The following GALR2 variants were observed in gnomAD, a reference collection of about 807,000 sequenced individuals.
GALR2 encodes the protein galanin receptor 2.
A neutral mutation model predicts 7.2 loss-of-function variants in GALR2; 5 were observed. That is an observed-to-expected ratio of 0.69 (90% confidence interval 0.36 to 1.45). The LOEUF is 1.45. GALR2 is among the 40% of genes most tolerant of loss of function. GALR2 has a pLI of 0.03. For missense variants in GALR2, 561 were observed against 555.7 expected, an observed-to-expected ratio of 1.01 and a Z score of -0.10; for synonymous variants, 300 against 263.9, an observed-to-expected ratio of 1.14 and a Z score of -1.32.
chr17:76,076,893 G>C lies in GALR2; in HGVS notation c.626G>C (p.Arg209Pro), dbSNP rs1341346000. The change falls in exon 2 of 2, where the codon CGC (arginine) becomes CCC (proline). Residue 209 changes from arginine to proline, a missense_variant. By Grantham distance (103) the Arg-to-Pro change is moderately radical. Transcript: ENST00000329003. This position sits in a 1 kb window ranked among gnomAD's most constrained non-coding sequence, Gnocchi z 6.5. ...CTGGTTCTCGGCCTGACCTACGCGC[G>C]CACCTTGCGCTACCTCTGGCGCGCC... ...PVLVLGLTYA[R>P]TLRYLWRAVD... 1 of 1,602,846 alleles carries C rather than the reference G, an allele frequency of 6.2e-7. No homozygotes were observed. The highest frequency in any genetic ancestry group is 1.7e-5 in the Admixed American group (1 of 59,918).
Position 76,077,234 on chromosome 17 carries a change from TG to T in GALR2, c.968del (p.Cys323SerfsTer23). The T allele has an allele frequency of 6.2e-7, 1 of 1,606,070 alleles. No individual in the cohort carries two copies. The highest frequency in any genetic ancestry group is 8.5e-7 in the Non-Finnish European group (1 of 1,177,248). ...RAPGRASGRVCAAARGTHSGS... is the reference protein window; with the variant it reads ...RAPGRASGRVXAAARGTHSGS... ...CCCAGGCCGAGCCTCGGGCCGTGTG[TG>T]CGCTGCCGCGCGGGGCACCCACAGT... On this transcript the variant is annotated frameshift_variant, in exon 2 of 2. Transcript: ENST00000329003. LOFTEE classifies it low-confidence loss of function (END_TRUNC).
upstream of GALR2, chr17:76,072,693 G>A (rs1158099314): frequency 1.9e-6 from 2 of 1,069,534 alleles, no homozygotes; most frequent in Non-Finnish European, 2.6e-6. This position sits in a 1 kb window ranked among gnomAD's most constrained non-coding sequence, Gnocchi z 4.5. Context: ...GGCTGGCTAG[G>A]TGGGGACTTG....
In GALR2 at chr17:76,075,237, C is replaced by T. The variant is rs769155155; in HGVS notation, c.354C>T (p.Ala118=). The T allele has an allele frequency of 1.1e-5, 18 of 1,603,180 alleles. No homozygotes were observed. Among genetic ancestry groups the T allele is most frequent in the Middle Eastern group, 1.8e-4 (1 of 5,538 alleles). Residue 118 remains alanine, a synonymous_variant, in exon 1 of 2, where the codon GCC becomes GCT. Coordinates refer to ENST00000329003, the MANE Select transcript of GALR2 (RefSeq NM_003857.4). This position sits in a 1 kb window ranked among gnomAD's most constrained non-coding sequence, Gnocchi z 5.9. ...ACGCCAGCAGCTTCACGCTGGCCGC[C>T]GTCTCCCTGGACAGGTGAGCCAGCG... ...TMHASSFTLA[A]VSLDRYLAIR...
chr17:76,073,884 G>T (rs529259170), upstream of GALR2, among the ~76,000 whole-genome samples: 1 of 151,864 alleles, frequency 6.6e-6, no homozygotes, highest in Admixed American at 6.6e-5. Flanking sequence ...GGTGGCTTAC[G>T]CCTGTAATCC....
At chr17:76,073,732 G>A (rs1478284796), upstream of GALR2, among the ~76,000 whole-genome samples, 2 of 151,658 alleles carry the variant, frequency 1.3e-5, no homozygotes, top group African/African-American at 4.8e-5. Flanking sequence ...AGAAGGAAGT[G>A]TTACCATTTC....
At position 76,077,516 on chromosome 17, in the gene GALR2, C is replaced by A. The variant is rs1001156691; in HGVS notation, c.*85C>A. ...GGGAGAGCTTTGCCTGTTAATAAAA[C>A]GCACAAACCATTTCACACACAGTGA... On this transcript the variant is annotated 3_prime_UTR_variant, in exon 2 of 2. Transcript: ENST00000329003. The A allele has an allele frequency of 2.5e-6, 3 of 1,180,150 alleles. No individual in the cohort carries two copies. Among genetic ancestry groups the A allele is most frequent in the African/African-American group, 1.6e-5 (1 of 64,484 alleles). The allele number at this position is 1,180,150 out of a possible 1,614,324, so 73.1% of individuals were successfully genotyped here. A position where few individuals can be genotyped will look rare whatever the true frequency, so the allele number is the denominator to read the frequency against.
At chr17:76,074,445 G>T (rs1195057825), upstream of GALR2, among the ~76,000 whole-genome samples, 1 of 152,224 alleles carries the variant, frequency 6.6e-6, no homozygotes, top group Non-Finnish European at 1.5e-5. This position sits in a 1 kb window ranked among gnomAD's most constrained non-coding sequence, Gnocchi z 6.7. Flanking sequence ...GCGCCGAGGC[G>T]CGCGGAGTGC....
Position 76,076,729 on chromosome 17 carries a change from G to A in GALR2, c.462G>A (p.Leu154=). The A allele has an allele frequency of 6.2e-7, 1 of 1,604,904 alleles. No homozygotes were observed. Among genetic ancestry groups the A allele is most frequent in the Non-Finnish European group, 8.5e-7 (1 of 1,179,750 alleles). Reference sequence around the variant, plus strand: ...TCGGGCTCATCTGGGGGCTGTCGCTGCTCTTCTCCGGGCCCTACCTGAGCT... The same window carrying A: ...TCGGGCTCATCTGGGGGCTGTCGCTACTCTTCTCCGGGCCCTACCTGAGCT... ...AAIGLIWGLS[L]LFSGPYLSYY... is the part of the protein sequence containing the mutation. The change falls in exon 2 of 2, where the codon CTG becomes CTA. Residue 154 remains leucine (L), a synonymous_variant. Coordinates refer to ENST00000329003, the MANE Select transcript of GALR2 (RefSeq NM_003857.4). This position sits in a 1 kb window ranked among gnomAD's most constrained non-coding sequence, Gnocchi z 6.5.
chr17:76,072,134 T>C (rs2066857465), upstream of GALR2: 32 of 1,244,604 alleles, frequency 2.6e-5, no homozygotes, highest in Non-Finnish European at 3.2e-5. The surrounding 1 kb of genome is among the most constrained non-coding windows in gnomAD (Gnocchi z 4.5). Flanking sequence ...GAGGAAAGAC[T>C]AGTCGAGAGA....
At chr17:76,072,493 T>C (rs775112377), upstream of GALR2, 41 of 1,583,212 alleles carry the variant, frequency 2.6e-5, no homozygotes, top group African/African-American at 4.1e-5. The surrounding 1 kb of genome is among the most constrained non-coding windows in gnomAD (Gnocchi z 4.5). Context: ...AGCAGCCATC[T>C]TGCCCCTGCG....
rs1265928688 is a variant in GALR2, at chr17:76,074,878, G to T, written c.-6G>T. On this transcript the variant is annotated 5_prime_UTR_variant, in exon 1 of 2. Coordinates refer to ENST00000329003, the MANE Select transcript of GALR2 (RefSeq NM_003857.4). The surrounding 1 kb of genome is among the most constrained non-coding windows in gnomAD (Gnocchi z 6.7). The stretch of plus-strand genomic sequence containing the variant: ...GAGCCCGGGCAGCCTCGGGGTCAGC[G>T]GCACCATGAACGTCTCGGGCTGCCC... The T allele has an allele frequency of 6.6e-7, 1 of 1,505,574 alleles. No individual in the cohort carries two copies. The highest frequency in any genetic ancestry group is 2.1e-5 in the Admixed American group (1 of 48,744). 93.3% of individuals were successfully genotyped at this position (1,505,574 alleles called of 1,614,324 possible). A position where few individuals can be genotyped will look rare whatever the true frequency, so the allele number is the denominator to read the frequency against.
rs2066890491 is a variant in GALR2 at position 76,076,716 on chromosome 17, G to A, written c.449G>A (p.Trp150Ter). The change falls in exon 2 of 2, where the codon TGG (tryptophan) becomes TAG (stop). Residue 150 changes from tryptophan to a stop codon, truncating the protein, a stop_gained. Transcript: ENST00000329003. LOFTEE classifies it low-confidence loss of function (END_TRUNC). The surrounding 1 kb of genome is among the most constrained non-coding windows in gnomAD (Gnocchi z 6.5). ...RNALAAIGLI[W>*]GLSLLFSGPY... Reference sequence around the variant, plus strand: ...GCGCTGGCAGCCATCGGGCTCATCTGGGGGCTGTCGCTGCTCTTCTCCGGG... The same window carrying A: ...GCGCTGGCAGCCATCGGGCTCATCTAGGGGCTGTCGCTGCTCTTCTCCGGG... 6.2e-7 allele frequency: 1 copy of A among 1,604,194 alleles called. No homozygotes were observed. Among genetic ancestry groups the A allele is most frequent in the Non-Finnish European group, 8.5e-7 (1 of 1,179,570 alleles).
At position 76,075,326 on chromosome 17, in the gene GALR2, C is replaced by T; in HGVS notation, c.368+75C>T. Reference sequence around the variant, plus strand: ...TGGAGCGGGAGGCGGGACTGGGGACCAAGAAGGGACGCGCAGAGTGGGACA... The same window carrying T: ...TGGAGCGGGAGGCGGGACTGGGGACTAAGAAGGGACGCGCAGAGTGGGACA... On this transcript the variant is annotated intron_variant, in intron 1 of 1. Coordinates refer to ENST00000329003, the MANE Select transcript of GALR2 (RefSeq NM_003857.4). This position sits in a 1 kb window ranked among gnomAD's most constrained non-coding sequence, Gnocchi z 5.9. 2 of 1,466,896 alleles carry T rather than the reference C, an allele frequency of 1.4e-6. No homozygotes were observed. The highest frequency in any genetic ancestry group is 1.8e-6 in the Non-Finnish European group (2 of 1,082,130). The allele number at this position is 1,466,896 out of a possible 1,614,324, so 90.9% of individuals were successfully genotyped here.
In GALR2 at chr17:76,076,744, C is replaced by A. The variant is rs1456867184; in HGVS notation, c.477C>A (p.Pro159=). 6.2e-7 allele frequency: 1 copy of A among 1,605,456 alleles called. No individual in the cohort carries two copies. The highest frequency in any genetic ancestry group is 8.5e-7 in the Non-Finnish European group (1 of 1,179,814). ...IWGLSLLFSG[P]YLSYYRQSQL... is the part of the protein sequence containing the mutation. ...GGCTGTCGCTGCTCTTCTCCGGGCC[C>A]TACCTGAGCTACTACCGCCAGTCGC... The change falls in exon 2 of 2, where the codon CCC becomes CCA. Residue 159 remains proline, a synonymous_variant. Coordinates refer to ENST00000329003, the MANE Select transcript of GALR2 (RefSeq NM_003857.4). This position sits in a 1 kb window ranked among gnomAD's most constrained non-coding sequence, Gnocchi z 6.5.
rs1300442694 is a variant in GALR2, at chr17:76,077,185, C to T, written c.918C>T (p.Ile306=). ...SKHFRKGFRT[I]CAGLLGRAPG... Reference sequence around the variant, plus strand: ...ACTTCCGCAAAGGCTTCCGCACGATCTGCGCGGGCCTGCTGGGCCGTGCCC... The same window carrying T: ...ACTTCCGCAAAGGCTTCCGCACGATTTGCGCGGGCCTGCTGGGCCGTGCCC... Residue 306 remains isoleucine (I), a synonymous_variant, in exon 2 of 2, where the codon ATC becomes ATT. Coordinates refer to ENST00000329003, the MANE Select transcript of GALR2 (RefSeq NM_003857.4). The T allele has an allele frequency of 1.2e-6, 2 of 1,610,282 alleles. No homozygotes were observed. The highest frequency in any genetic ancestry group is 4.5e-5 in the East Asian group (2 of 44,730).
chr17:76,072,130 A>C, upstream of GALR2: 6 of 1,202,656 alleles, frequency 5.0e-6, no homozygotes, highest in South Asian at 2.9e-5. The surrounding 1 kb of genome is among the most constrained non-coding windows in gnomAD (Gnocchi z 4.5). Context: ...ACACGAGGAA[A>C]GACTAGTCGA....
Position 76,076,745 on chromosome 17 carries a change from T to C in GALR2, c.478T>C (p.Tyr160His), listed in dbSNP as rs146081504. The C allele has an allele frequency of 3.8e-4, 616 of 1,604,118 alleles. 3 individuals are homozygous for C. The African/African-American group carries it at 7.3e-3, about 19-fold the overall frequency. ...WGLSLLFSGP[Y>H]LSYYRQSQLA... The stretch of plus-strand genomic sequence containing the variant: ...GCTGTCGCTGCTCTTCTCCGGGCCC[T>C]ACCTGAGCTACTACCGCCAGTCGCA... The change falls in exon 2 of 2, where the codon TAC becomes CAC. Residue 160 changes from tyrosine to histidine, a missense_variant. Physicochemically the swap from Tyr to His is moderately conservative, Grantham distance 83. Coordinates refer to ENST00000329003, the MANE Select transcript of GALR2 (RefSeq NM_003857.4). This position sits in a 1 kb window ranked among gnomAD's most constrained non-coding sequence, Gnocchi z 6.5.
In GALR2 at chr17:76,076,566, G is replaced by T. The variant is rs971013542; in HGVS notation, c.369-70G>T. 1.1e-5 allele frequency: 11 copies of T among 1,004,168 alleles called. No homozygotes were observed. In the African/African-American group the frequency reaches 1.8e-4, roughly 16 times the overall value. 62.2% of individuals were successfully genotyped at this position (1,004,168 alleles called of 1,614,324 possible). On this transcript the variant is annotated intron_variant, in intron 1 of 1. Transcript: ENST00000329003. This position sits in a 1 kb window ranked among gnomAD's most constrained non-coding sequence, Gnocchi z 6.5. ...TCGAGAGCAGCCTTGGGACCGAGGT[G>T]CAGGGGTCGCGGCCCTCCAGCATGA...
At position 76,076,419 on chromosome 17, in the gene GALR2, G is replaced by A. The variant is rs1443125204; in HGVS notation, c.369-217G>A. On this transcript the variant is annotated intron_variant, in intron 1 of 1. Coordinates refer to ENST00000329003, the MANE Select transcript of GALR2 (RefSeq NM_003857.4). This position sits in a 1 kb window ranked among gnomAD's most constrained non-coding sequence, Gnocchi z 6.5. ...GCACACCTTTCCTGCTGCCGGGCCCGCCCCATTTCCAGGCTCCGCTGAGTG... is the reference window on the plus strand; with the variant it reads ...GCACACCTTTCCTGCTGCCGGGCCCACCCCATTTCCAGGCTCCGCTGAGTG... Among the ~76,000 whole-genome samples the A allele has an allele frequency of 2.0e-5, 3 of 152,128 alleles. No homozygotes were observed. The highest frequency in any genetic ancestry group is 6.5e-5 in the Admixed American group (1 of 15,268).
Sources: gnomAD v4.1 joint callset for allele counts (sites outside exome capture counted in the v4.1 genomes callset) on GRCh38, gnomAD v4.1.1 for gene constraint, Gnocchi (gnomAD v3.1) non-coding constraint, MANE v1.5 for transcripts, NCBI Gene and HGNC (gene_info 2026-07-23, HGNC 2026-07-21) for gene names.